The following EPHA6 variants were observed in gnomAD, a reference collection of about 807,000 sequenced individuals.
EPHA6 encodes the protein EPH receptor A6, also known as ephrin type-A receptor 6.
Under a neutral mutation model 112.0 loss-of-function variants are expected in EPHA6, and 50 were observed. The ratio of observed to expected loss-of-function variants is 0.45; its 90% CI spans 0.36 to 0.56. The LOEUF (loss-of-function observed/expected upper bound fraction) is 0.56, where lower values mean the gene tolerates loss of function less well. Among genes scored for constraint, EPHA6 ranks in the 20% least tolerant of loss-of-function variants. The probability of loss-of-function intolerance (pLI) is 0.00; values close to 1 mark genes in which losing one functional copy is unlikely to be tolerated. For synonymous variants in EPHA6, 529 were observed against 490.7 expected (o/e 1.08, Z -1.03); for missense variants, 1,280 against 1,417.4 (o/e 0.90, Z 1.56).
chr3:97,110,683 C>T (rs1316922190), intron 3 of EPHA6, among the ~76,000 whole-genome samples: 1 of 151,972 alleles, frequency 6.6e-6, no homozygotes, highest in Non-Finnish European at 1.5e-5. Context: ...TGCCACCACA[C>T]CCAGATAATT....
intron 12 of EPHA6, among the ~76,000 whole-genome samples, chr3:97,595,500 C>T (rs1233165148): frequency 6.6e-6 from 1 of 152,012 alleles, no homozygotes; most frequent in Non-Finnish European, 1.5e-5. Flanking sequence ...AAAAAATTAG[C>T]TGGGCATGGT....
chr3:97,175,150 G>C (rs2076802866), intron 3 of EPHA6, among the ~76,000 whole-genome samples: 1 of 151,772 alleles, frequency 6.6e-6, no homozygotes, highest in Non-Finnish European at 1.5e-5. Flanking sequence ...TTTGTTGAAG[G>C]ACTGTCTTTT....
chr3:96,895,403 G>A (rs1296451854), intron 2 of EPHA6, among the ~76,000 whole-genome samples: 1 of 152,040 alleles, frequency 6.6e-6, no homozygotes, highest in Non-Finnish European at 1.5e-5. Context: ...AAAATTAAAA[G>A]TCTGTAAATC....
chr3:97,680,197 T>C (rs906906706), intron 14 of EPHA6, among the ~76,000 whole-genome samples: 3 of 152,190 alleles, frequency 2.0e-5, no homozygotes, highest in African/African-American at 4.8e-5. Flanking sequence ...GACTGAGAAA[T>C]TGGAGCCACA....
chr3:96,976,159 G>A (rs1342368627), intron 2 of EPHA6, among the ~76,000 whole-genome samples: 1 of 152,122 alleles, frequency 6.6e-6, no homozygotes, highest in African/African-American at 2.4e-5. Context: ...TTAAATAGGG[G>A]TAGGAACTTT....
chr3:97,636,374 T>A (rs2093945080), intron 13 of EPHA6, among the ~76,000 whole-genome samples: 1 of 152,096 alleles, frequency 6.6e-6, no homozygotes, highest in African/African-American at 2.4e-5. Context: ...CATCTAATAG[T>A]GTACTGTCTA....
At chr3:97,163,176 C>T (rs192056489) in intron 3 of EPHA6, among the ~76,000 whole-genome samples, 4 of 152,280 alleles carry the variant, frequency 2.6e-5, no homozygotes, top group Admixed American at 6.5e-5. Flanking sequence ...ACTGAAATGA[C>T]ATTAAGACTT....
chr3:97,215,552 A>G (rs938930794), intron 3 of EPHA6, among the ~76,000 whole-genome samples: 1 of 151,890 alleles, frequency 6.6e-6, no homozygotes, highest in Non-Finnish European at 1.5e-5. Context: ...CGGAGGTTGC[A>G]GTGAGCTGAG....
intron 2 of EPHA6, among the ~76,000 whole-genome samples, chr3:96,870,885 A>G (rs145223270): frequency 1.4e-4 from 21 of 152,186 alleles, no homozygotes; most frequent in African/African-American, 4.8e-4. Context: ...CAATTTATAT[A>G]TTTCATATAG....
intron 5 of EPHA6, among the ~76,000 whole-genome samples, chr3:97,369,774 T>C (rs2084946689): frequency 6.6e-6 from 1 of 152,184 alleles, no homozygotes; most frequent in South Asian, 2.1e-4. Flanking sequence ...CCTTCCTATA[T>C]TTTGTATGTG....
At chr3:97,476,054 A>G (rs1210726900) in intron 8 of EPHA6, among the ~76,000 whole-genome samples, 5 of 152,282 alleles carry the variant, frequency 3.3e-5, no homozygotes, top group African/African-American at 1.2e-4. Flanking sequence ...ATACAAAAGT[A>G]TATTAAAACC....
chr3:97,629,406 G>C (rs1220541140), intron 13 of EPHA6, among the ~76,000 whole-genome samples: 4 of 151,930 alleles, frequency 2.6e-5, no homozygotes, highest in Non-Finnish European at 5.9e-5. Flanking sequence ...TGAGAGCATG[G>C]TGTGCTTAGA....
chr3:97,059,627 T>G (rs2108116103), intron 3 of EPHA6, among the ~76,000 whole-genome samples: 1 of 151,152 alleles, frequency 6.6e-6, no homozygotes, highest in East Asian at 1.9e-4. Flanking sequence ...CCACACAATT[T>G]TGTTGTTGTG....
chr3:97,626,590 T>C (rs1245906793), intron 13 of EPHA6, among the ~76,000 whole-genome samples: 1 of 150,828 alleles, frequency 6.6e-6, no homozygotes, highest in Non-Finnish European at 1.5e-5. Flanking sequence ...GAATCGAGAG[T>C]ATATGGGCTA....
intron 6 of EPHA6, among the ~76,000 whole-genome samples, chr3:97,413,322 T>G (rs1358500584): frequency 6.6e-6 from 1 of 151,864 alleles, no homozygotes; most frequent in East Asian, 1.9e-4. Context: ...GTACAGCCAT[T>G]GGAGCATCTG....
At chr3:97,687,741 C>A (rs1408906050) in intron 14 of EPHA6, among the ~76,000 whole-genome samples, 1 of 152,182 alleles carries the variant, frequency 6.6e-6, no homozygotes, top group Non-Finnish European at 1.5e-5. Context: ...TCCTCAGAGG[C>A]TGAAAATACA....
At chr3:96,861,341 G>A (rs1428272655) in intron 1 of EPHA6, among the ~76,000 whole-genome samples, 1 of 152,002 alleles carries the variant, frequency 6.6e-6, no homozygotes, top group African/African-American at 2.4e-5. Context: ...TATCCTGAAA[G>A]TAATTTAGTT....
intron 3 of EPHA6, among the ~76,000 whole-genome samples, chr3:97,100,833 C>T (rs1445039047): frequency 6.6e-6 from 1 of 151,616 alleles, no homozygotes; most frequent in Admixed American, 6.6e-5. Flanking sequence ...GTAATTTTTT[C>T]TACATATTCT....
chr3:96,902,673 G>C (rs1462479493), intron 2 of EPHA6, among the ~76,000 whole-genome samples: 1 of 152,152 alleles, frequency 6.6e-6, no homozygotes, highest in Admixed American at 6.5e-5. Context: ...GCACTGTGCT[G>C]CTGAGTCTGC....
Sources: allele counts gnomAD v4.1 joint callset (sites outside exome capture counted in the v4.1 genomes callset), GRCh38; gene constraint gnomAD v4.1.1; transcripts MANE v1.5; gene names NCBI Gene and HGNC (gene_info 2026-07-23, HGNC 2026-07-21).